Variants in JKAMP observed in about 807,000 individuals in gnomAD.
JKAMP encodes the protein JNK1/MAPK8-associated membrane protein.
JKAMP carries 20 observed loss-of-function variants against 40.2 expected under a neutral mutation model. The observed-to-expected ratio is 0.50, with a 90% confidence interval of 0.35 to 0.72. The LOEUF (loss-of-function observed/expected upper bound fraction) is 0.72. Ranked by LOEUF, JKAMP falls within the 30% of genes least tolerant of loss-of-function variation. JKAMP has a pLI of 0.01. For synonymous variants in JKAMP, 138 were observed against 131.6 expected, an observed-to-expected ratio of 1.05 and a Z score of -0.33; for missense variants, 276 against 373.0, an observed-to-expected ratio of 0.74 and a Z score of 2.14.
At chr14:59,486,283 G>A (rs1323542661) in intron 1 of JKAMP, among the ~76,000 whole-genome samples, 2 of 152,206 alleles carry the variant, frequency 1.3e-5, no homozygotes, top group Non-Finnish European at 2.9e-5. Context: ...ATGAACATAG[G>A]TGATAATGAT....
chr14:59,502,753 T>TTTGTTTTGTTTTGTTTTTTTGTTTTG (rs1209893374), intron 6 of JKAMP, among the ~76,000 whole-genome samples: 1 of 74,948 alleles, frequency 1.3e-5, no homozygotes, highest in African/African-American at 4.9e-5. Flanking sequence ...AAATGAGATT[T>TTTGTTTTGTTTTGTTTTTTTGTTTTG]TTTTTTTTTT....
At chr14:59,493,076 G>A (rs1046621021) in intron 3 of JKAMP, among the ~76,000 whole-genome samples, 1 of 152,082 alleles carries the variant, frequency 6.6e-6, no homozygotes, top group African/African-American at 2.4e-5. Context: ...GGGATTACAG[G>A]CGTGAGCCAC....
chr14:59,488,356 A>G (rs56161251), intron 3 of JKAMP, among the ~76,000 whole-genome samples: 89 of 152,310 alleles, frequency 5.8e-4, no homozygotes, highest in Non-Finnish European at 1.1e-3. Flanking sequence ...GTGTGTACAT[A>G]ATTATAAATC....
At chr14:59,502,855 G>A (rs1471801369) in intron 6 of JKAMP, among the ~76,000 whole-genome samples, 4 of 141,238 alleles carry the variant, frequency 2.8e-5, no homozygotes, top group African/African-American at 1.0e-4. Flanking sequence ...GGGTTCAAGT[G>A]ATTCTCCTGC....
chr14:59,498,850 T>G lies in JKAMP; in HGVS notation c.582T>G (p.Ala194=). ...GKSDRFKSIY[A]ALYFFPILTV... ...CTGATCGATTTAAAAGTATTTATGC[T>G]GCACTTTACTTCTTCCCAATTTTAA... Residue 194 remains alanine, a synonymous_variant, in exon 5 of 7, where the codon GCT becomes GCG. Transcript: ENST00000616435. The G allele has an allele frequency of 6.2e-7, 1 of 1,612,236 alleles. No individual in the cohort carries two copies. The highest frequency in any genetic ancestry group is 8.5e-7 in the Non-Finnish European group (1 of 1,179,028).
At chr14:59,500,219 T>C (rs1014264311) in intron 5 of JKAMP, among the ~76,000 whole-genome samples, 1 of 152,196 alleles carries the variant, frequency 6.6e-6, no homozygotes, top group Non-Finnish European at 1.5e-5. Flanking sequence ...AAATGTCAAA[T>C]AAGTCATTCA....
chr14:59,499,620 T>C (rs1228735054), intron 5 of JKAMP, among the ~76,000 whole-genome samples: 9 of 152,060 alleles, frequency 5.9e-5, no homozygotes, highest in Admixed American at 5.2e-4. Context: ...GAAAATGTAG[T>C]GTGGTTCTTT....
In JKAMP at chr14:59,505,059, C is replaced by T; in HGVS notation, c.*987C>T. The stretch of plus-strand genomic sequence containing the variant: ...TTAGCTCTTAACCTAACAACCTGAC[C>T]ATGTTTATCCATTTTTATTGTTTAG... On this transcript the variant is annotated 3_prime_UTR_variant, in exon 7 of 7. Transcript: ENST00000616435. The T allele has an allele frequency of 7.5e-6, 3 of 398,476 alleles. No homozygotes were observed. The East Asian group carries it at 1.1e-4, about 15-fold the overall frequency. 24.7% of individuals were successfully genotyped at this position (398,476 alleles called of 1,614,324 possible).
chr14:59,485,224 T>C, intron 1 of JKAMP: 1 of 1,209,886 alleles, frequency 8.3e-7, no homozygotes, highest in Non-Finnish European at 1.2e-6. Flanking sequence ...ATTAAGCATC[T>C]ACTAGATGTA....
chr14:59,492,344 G>C (rs1891082250), intron 3 of JKAMP, among the ~76,000 whole-genome samples: 1 of 152,206 alleles, frequency 6.6e-6, no homozygotes, highest in Non-Finnish European at 1.5e-5. Flanking sequence ...ATTGCACTGA[G>C]AAAGAAGGAG....
chr14:59,484,911 C>T (rs772531544), intron 1 of JKAMP: 3 of 1,428,956 alleles, frequency 2.1e-6, no homozygotes, highest in African/African-American at 1.4e-5. Flanking sequence ...ATTGAAAACG[C>T]GGGTGATAGT....
chr14:59,495,684 T>A (rs762611572), intron 4 of JKAMP, among the ~76,000 whole-genome samples: 7 of 152,198 alleles, frequency 4.6e-5, no homozygotes, highest in Non-Finnish European at 1.0e-4. Flanking sequence ...AGAAAATGAA[T>A]CAAATTCATT....
chr14:59,489,888 TTCA>T (rs1229916579), intron 3 of JKAMP, among the ~76,000 whole-genome samples: 1 of 151,218 alleles, frequency 6.6e-6, no homozygotes, highest in African/African-American at 2.4e-5. Flanking sequence ...ACCTCTTTCT[TTCA>T]TTTTTTTTAA....
chr14:59,492,748 T>C (rs72710981), intron 3 of JKAMP, among the ~76,000 whole-genome samples: 1 of 151,890 alleles, frequency 6.6e-6, no homozygotes, highest in Non-Finnish European at 1.5e-5. Context: ...TTGCCCAAAG[T>C]ATCTAATTAG....
chr14:59,502,773 T>TGTTTTGTTTTTTTTTTTTTTTTTTTG (rs796697193), intron 6 of JKAMP, among the ~76,000 whole-genome samples: 1 of 102,836 alleles, frequency 9.7e-6, no homozygotes, highest in Non-Finnish European at 1.8e-5. Flanking sequence ...TTTTTTTTTT[T>TGTTTTGTTTTTTTTTTTTTTTTTTTG]CGGAGTCTCA....
At chr14:59,503,066 T>C (rs1892054795) in intron 6 of JKAMP, among the ~76,000 whole-genome samples, 2 of 152,006 alleles carry the variant, frequency 1.3e-5, no homozygotes, top group South Asian at 4.1e-4. Flanking sequence ...TTACAGCTTA[T>C]CCATAGTTAA....
At chr14:59,491,571 T>G (rs1376819694) in intron 3 of JKAMP, among the ~76,000 whole-genome samples, 1 of 152,244 alleles carries the variant, frequency 6.6e-6, no homozygotes, top group African/African-American at 2.4e-5. Context: ...TGTTTTCATC[T>G]TTGTAAAATG....
chr14:59,487,198 G>A lies in JKAMP; in HGVS notation c.96+394G>A, dbSNP rs191879641. On this transcript the variant is annotated intron_variant, in intron 2 of 6. Coordinates refer to ENST00000616435, the MANE Select transcript of JKAMP (RefSeq NM_016475.5). Reference sequence around the variant, plus strand: ...AGCGTGGGCAACAGAGGGAGACTCTGTCTCAAAAAAAAAATAAAATAAGGA... The same window carrying A: ...AGCGTGGGCAACAGAGGGAGACTCTATCTCAAAAAAAAAATAAAATAAGGA... The A allele has an allele frequency of 7.0e-3, 1,086 of 155,658 alleles. 14 individuals are homozygous for A. The highest frequency in any genetic ancestry group is 0.025 in the African/African-American group (1,045 of 41,416). 9.6% of individuals were successfully genotyped at this position (155,658 alleles called of 1,614,324 possible). A position where few individuals can be genotyped will look rare whatever the true frequency, so the allele number is the denominator to read the frequency against.
In JKAMP at chr14:59,504,087, A is replaced by G. The variant is rs773890698; in HGVS notation, c.*15A>G. 6.5e-7 allele frequency: 1 copy of G among 1,533,632 alleles called. No homozygotes were observed. Among genetic ancestry groups the G allele is most frequent in the South Asian group, 1.1e-5 (1 of 89,202 alleles). On this transcript the variant is annotated 3_prime_UTR_variant, in exon 7 of 7. Coordinates refer to ENST00000616435, the MANE Select transcript of JKAMP (RefSeq NM_016475.5). ...ATGGACACTGAGTGTAGACATGTGA[A>G]ATGCCAAAAACCTGAGAAGTGCTCC...
Sources: allele counts gnomAD v4.1 joint callset (sites outside exome capture counted in the v4.1 genomes callset), GRCh38; gene constraint gnomAD v4.1.1; transcripts MANE v1.5; gene names NCBI Gene and HGNC (gene_info 2026-07-23, HGNC 2026-07-21).